Variants in CNTN5 observed in about 807,000 individuals in gnomAD.
CNTN5 encodes the protein contactin 5, also known as contactin-5.
CNTN5 carries 77 observed loss-of-function variants against 129.1 expected under a neutral mutation model. The ratio of observed to expected loss-of-function variants is 0.60; its 90% CI spans 0.50 to 0.72. The LOEUF is 0.72. Ranked by LOEUF, CNTN5 falls within the 30% of genes least tolerant of loss-of-function variation. The pLI, the probability that CNTN5 is intolerant of heterozygous loss-of-function variation, is 0.00. For synonymous variants in CNTN5, 509 were observed against 465.6 expected (o/e 1.09, Z -1.20); for missense variants, 1,478 against 1,328.8 (o/e 1.11, Z -1.75).
At position 99,964,929 on chromosome 11, in the gene CNTN5, T is replaced by C. The variant is rs527454851; in HGVS notation, c.877+7920T>C. 1.4e-4 allele frequency among the ~76,000 whole-genome samples: 22 copies of C among 152,324 alleles called. 1 individual carries two copies. The highest frequency in any genetic ancestry group is 1.1e-3 in the Admixed American group (17 of 15,302). ...GAGGAATTTATCCATTTCTTCTAGA[T>C]TTTCTAGTTTATTTGCGTAGAGATG... On this transcript the variant is annotated intron_variant, in intron 8 of 24. Coordinates refer to ENST00000524871, the MANE Select transcript of CNTN5 (RefSeq NM_014361.4).
At chr11:99,205,370 AG>A (rs1476290768) in intron 1 of CNTN5, among the ~76,000 whole-genome samples, 2 of 152,112 alleles carry the variant, frequency 1.3e-5, no homozygotes, top group Non-Finnish European at 2.9e-5. Flanking sequence ...GCTCTAGAAG[AG>A]GTTTGCTCTC....
chr11:99,757,004 A>G (rs190190630), intron 3 of CNTN5, among the ~76,000 whole-genome samples: 5 of 151,818 alleles, frequency 3.3e-5, no homozygotes, highest in South Asian at 4.2e-4. Flanking sequence ...TACATGTGTC[A>G]TATATATCAC....
At chr11:100,047,260 C>G (rs200849245) in intron 9 of CNTN5, among the ~76,000 whole-genome samples, 1 of 34,072 alleles carries the variant, frequency 2.9e-5, no homozygotes, top group Admixed American at 2.9e-4. Context: ...TCTTTGAACA[C>G]CATGGTTCAC....
chr11:100,110,301 T>C (rs1945608910), intron 13 of CNTN5, among the ~76,000 whole-genome samples: 1 of 151,934 alleles, frequency 6.6e-6, no homozygotes, highest in Non-Finnish European at 1.5e-5. Context: ...TTAAGTAAAT[T>C]GTACTAGAGT....
chr11:99,141,650 T>G (rs1859522458), intron 1 of CNTN5, among the ~76,000 whole-genome samples: 1 of 152,194 alleles, frequency 6.6e-6, no homozygotes, highest in Admixed American at 6.5e-5. Context: ...ACTATATACT[T>G]CTAACACTGC....
At chr11:99,086,829 T>A (rs775362531) in intron 1 of CNTN5, among the ~76,000 whole-genome samples, 1 of 152,200 alleles carries the variant, frequency 6.6e-6, no homozygotes, top group Non-Finnish European at 1.5e-5. Flanking sequence ...ACAGTAATTA[T>A]ATTAATAATT....
chr11:99,362,545 T>C (rs926178463), intron 2 of CNTN5, among the ~76,000 whole-genome samples: 1 of 151,922 alleles, frequency 6.6e-6, no homozygotes, highest in African/African-American at 2.4e-5. Context: ...ATCTGAAAAA[T>C]AATTGACAAA....
At chr11:100,289,286 G>A (rs1950887336) in intron 18 of CNTN5, among the ~76,000 whole-genome samples, 1 of 152,138 alleles carries the variant, frequency 6.6e-6, no homozygotes, top group Non-Finnish European at 1.5e-5. Flanking sequence ...TGATACCAAA[G>A]CCGGGCAGAG....
At chr11:100,060,579 T>G (rs191466728) in intron 9 of CNTN5, among the ~76,000 whole-genome samples, 2 of 152,020 alleles carry the variant, frequency 1.3e-5, no homozygotes, top group African/African-American at 4.8e-5. Flanking sequence ...AATAAGCACA[T>G]ATATGTTAGT....
chr11:99,114,828 A>G (rs1857966945), intron 1 of CNTN5, among the ~76,000 whole-genome samples: 1 of 152,206 alleles, frequency 6.6e-6, no homozygotes, highest in Non-Finnish European at 1.5e-5. Context: ...AGTGAGTATC[A>G]AACAATCCGT....
At chr11:99,031,594 A>T (rs1863376130) in intron 1 of CNTN5, among the ~76,000 whole-genome samples, 1 of 152,062 alleles carries the variant, frequency 6.6e-6, no homozygotes, top group Admixed American at 6.6e-5. Flanking sequence ...CTGTTCACTG[A>T]GGAAGTCATT....
rs2139055586 is a variant in CNTN5, at chr11:100,357,991, A to C, written c.*1771A>C. The stretch of plus-strand genomic sequence containing the variant: ...GCCTGTAAGTAAGTAATTATGACCA[A>C]GTGGCCTTTCTTGAACGCCTCCTTT... On this transcript the variant is annotated 3_prime_UTR_variant, in exon 25 of 25. Transcript: ENST00000524871. The C allele has an allele frequency of 6.6e-6, 1 of 152,000 alleles. No individual in the cohort carries two copies. Among genetic ancestry groups the C allele is most frequent in the Non-Finnish European group, 1.5e-5 (1 of 67,832 alleles). The allele number at this position is 152,000 out of a possible 1,614,324, so 9.4% of individuals were successfully genotyped here. A position where few individuals can be genotyped will look rare whatever the true frequency, so the allele number is the denominator to read the frequency against.
At chr11:99,700,679 G>T (rs1336514944) in intron 3 of CNTN5, among the ~76,000 whole-genome samples, 2 of 151,326 alleles carry the variant, frequency 1.3e-5, no homozygotes, top group African/African-American at 4.8e-5. Flanking sequence ...AACGGTAAAA[G>T]AAATACAATG....
chr11:99,827,464 CA>C (rs1947000229), intron 4 of CNTN5, among the ~76,000 whole-genome samples: 1 of 152,128 alleles, frequency 6.6e-6, no homozygotes, highest in Admixed American at 6.6e-5. Flanking sequence ...AGCATTATAA[CA>C]GCAATAGCCT....
intron 18 of CNTN5, among the ~76,000 whole-genome samples, chr11:100,277,974 G>T (rs766619117): frequency 1.3e-5 from 2 of 151,992 alleles, no homozygotes; most frequent in Non-Finnish European, 2.9e-5. Context: ...AATACATTTT[G>T]ATTTGATTTT....
intron 2 of CNTN5, among the ~76,000 whole-genome samples, chr11:99,362,183 G>A (rs1210611519): frequency 6.6e-6 from 1 of 151,864 alleles, no homozygotes; most frequent in Non-Finnish European, 1.5e-5. Context: ...AAGCTTATGG[G>A]TATAAAGTGG....
intron 3 of CNTN5, among the ~76,000 whole-genome samples, chr11:99,727,579 C>A (rs1439308889): frequency 2.1e-5 from 3 of 140,532 alleles, no homozygotes; most frequent in Non-Finnish European, 3.0e-5. Context: ...CCAAGTAGAA[C>A]TTAAATTACT....
At chr11:99,104,792 CA>C (rs1297763773) in intron 1 of CNTN5, among the ~76,000 whole-genome samples, 1 of 151,750 alleles carries the variant, frequency 6.6e-6, no homozygotes, top group Non-Finnish European at 1.5e-5. Flanking sequence ...TTGCCATGGG[CA>C]CAAATTTAAA....
At chr11:99,119,283 T>C (rs1434979018) in intron 1 of CNTN5, among the ~76,000 whole-genome samples, 1 of 152,148 alleles carries the variant, frequency 6.6e-6, no homozygotes. Context: ...TTCCTGATTC[T>C]CTCCATCCTT....
Sources: gnomAD v4.1 joint callset for allele counts (sites outside exome capture counted in the v4.1 genomes callset) on GRCh38, gnomAD v4.1.1 for gene constraint, MANE v1.5 for transcripts, NCBI Gene and HGNC (gene_info 2026-07-23, HGNC 2026-07-21) for gene names.